The following CDH7 variants were observed in gnomAD, a reference collection of about 807,000 sequenced individuals.
CDH7 encodes cadherin 7.
CDH7 carries 25 observed loss-of-function variants against 71.8 expected under a neutral mutation model. The ratio of observed to expected loss-of-function variants is 0.35; its 90% CI spans 0.25 to 0.49. The LOEUF is 0.49. CDH7 is among the 20% of genes least tolerant of loss of function. CDH7 has a pLI of 0.99. For missense variants in CDH7, 862 were observed against 974.6 expected, an observed-to-expected ratio of 0.88 and a Z score of 1.54; for synonymous variants, 381 against 363.8, an observed-to-expected ratio of 1.05 and a Z score of -0.54.
intron 6 of CDH7, among the ~76,000 whole-genome samples, chr18:65,842,395 T>C (rs1332091372): frequency 1.3e-5 from 2 of 151,944 alleles, no homozygotes; most frequent in African/African-American, 2.4e-5. Flanking sequence ...TATATATATA[T>C]GTGTATATTT....
intron 6 of CDH7, among the ~76,000 whole-genome samples, chr18:65,833,015 C>G (rs941380829): frequency 6.6e-6 from 1 of 152,044 alleles, no homozygotes; most frequent in African/African-American, 2.4e-5. Context: ...TTTGGTGGTC[C>G]ACTTTGTCAC....
chr18:65,847,244 C>G (rs1912966017), intron 7 of CDH7, among the ~76,000 whole-genome samples: 1 of 152,110 alleles, frequency 6.6e-6, no homozygotes, highest in Admixed American at 6.6e-5. Flanking sequence ...GGAGTCTTAA[C>G]AATTGTGACC....
upstream of CDH7, chr18:65,750,718 C>G (rs977006704): frequency 6.5e-6 from 1 of 152,696 alleles, no homozygotes; most frequent in South Asian, 2.1e-4. Context: ...AGCAGGCGCC[C>G]GCCGCCCACC....
intron 6 of CDH7, among the ~76,000 whole-genome samples, chr18:65,826,900 G>T (rs1912152394): frequency 6.7e-6 from 1 of 148,510 alleles, no homozygotes; most frequent in Non-Finnish European, 1.5e-5. Context: ...TCTTAAGTTT[G>T]TGTATTGTTG....
intron 2 of CDH7, among the ~76,000 whole-genome samples, chr18:65,775,379 A>C (rs919209301): frequency 4.6e-5 from 7 of 152,232 alleles, no homozygotes; most frequent in Non-Finnish European, 8.8e-5. Context: ...TATCAAGACT[A>C]AATAAGTTAA....
intron 1 of CDH7, among the ~76,000 whole-genome samples, chr18:65,754,987 C>G (rs540396957): frequency 1.4e-4 from 22 of 152,060 alleles, no homozygotes; most frequent in African/African-American, 5.1e-4. Context: ...GTTCCTTCAC[C>G]CTTTCTTCTT....
In CDH7 at chr18:65,880,987, A is replaced by C; in HGVS notation, c.*93A>C. ...AAATAATAAACCACTACATACAGAA[A>C]ACAAGAACTCCCCTTGCTGGAGACA... On this transcript the variant is annotated 3_prime_UTR_variant, in exon 12 of 12. Coordinates refer to ENST00000397968, the MANE Select transcript of CDH7 (RefSeq NM_004361.5). The C allele has an allele frequency of 1.7e-6, 2 of 1,201,900 alleles. No homozygotes were observed. The highest frequency in any genetic ancestry group is 2.3e-6 in the Non-Finnish European group (2 of 876,488). 74.5% of individuals were successfully genotyped at this position (1,201,900 alleles called of 1,614,324 possible).
At chr18:65,867,189 C>T (rs890181200) in intron 11 of CDH7, among the ~76,000 whole-genome samples, 3 of 152,036 alleles carry the variant, frequency 2.0e-5, no homozygotes, top group African/African-American at 7.2e-5. Context: ...GTGCCTGCCA[C>T]CACGCCCGGC....
In CDH7 at chr18:65,758,335, A is replaced by C. The variant is rs192371700; in HGVS notation, c.-196-4312A>C. Reference sequence around the variant, plus strand: ...GCCTTTCTCTTGAAAATGAGATTTGATTGAAAAAGAAGGCAAACATTTGTG... The same window carrying C: ...GCCTTTCTCTTGAAAATGAGATTTGCTTGAAAAAGAAGGCAAACATTTGTG... On this transcript the variant is annotated intron_variant, in intron 1 of 11. Transcript: ENST00000397968. Among the ~76,000 whole-genome samples the C allele has an allele frequency of 7.2e-3, 1,104 of 152,292 alleles. 8 individuals are homozygous for C. Among genetic ancestry groups the C allele is most frequent in the Non-Finnish European group, 9.7e-3 (662 of 68,028 alleles).
intron 7 of CDH7, among the ~76,000 whole-genome samples, chr18:65,851,501 T>C (rs1485088682): frequency 6.6e-6 from 1 of 152,164 alleles, no homozygotes; most frequent in East Asian, 1.9e-4. Flanking sequence ...ATGCTACCTG[T>C]GAATATAAAG....
In CDH7 at chr18:65,884,051, A is replaced by C. The variant is rs1375695400; in HGVS notation, c.*3157A>C. 6.6e-6 allele frequency: 1 copy of C among 152,158 alleles called. No individual in the cohort carries two copies. The highest frequency in any genetic ancestry group is 1.5e-5 in the Non-Finnish European group (1 of 67,984). 9.4% of individuals were successfully genotyped at this position (152,158 alleles called of 1,614,324 possible). A position where few individuals can be genotyped will look rare whatever the true frequency, so the allele number is the denominator to read the frequency against. Reference sequence around the variant, plus strand: ...TTGCCAAATTATGCCCATTTTGAACAGTTTAATTTATTGAAAAATCAGATG... The same window carrying C: ...TTGCCAAATTATGCCCATTTTGAACCGTTTAATTTATTGAAAAATCAGATG... On this transcript the variant is annotated 3_prime_UTR_variant, in exon 12 of 12. Transcript: ENST00000397968.
rs146054448 is a variant in CDH7 at position 65,843,875 on chromosome 18, G to A, written c.1045G>A (p.Asp349Asn). 511 of 1,582,450 alleles carry A rather than the reference G, an allele frequency of 3.2e-4. No homozygotes were observed. Among genetic ancestry groups the A allele is most frequent in the Non-Finnish European group, 4.2e-4 (489 of 1,160,452 alleles). ...GATAGAAGCTGCAAATAAAGATGCC[G>A]ACCCTCGCTTTCTGAGCTTGGGTCC... ...LRIEAANKDA[D>N]PRFLSLGPFS... The change falls in exon 7 of 12, where the codon GAC (aspartate) becomes AAC (asparagine). Residue 349 changes from aspartate (D) to asparagine (N), a missense_variant. Physicochemically the swap from Asp to Asn is conservative, Grantham distance 23. Transcript: ENST00000397968.
At chr18:65,766,924 T>TAAAAAAAAA (rs1598988832) in intron 2 of CDH7, among the ~76,000 whole-genome samples, 1 of 85,162 alleles carries the variant, frequency 1.2e-5, no homozygotes, top group Non-Finnish European at 2.8e-5. Flanking sequence ...AAAAAAAAAG[T>TAAAAAAAAA]CTACAAAACC....
intron 11 of CDH7, chr18:65,865,732 G>A (rs1230645939): frequency 6.6e-6 from 1 of 152,042 alleles, no homozygotes; most frequent in Admixed American, 6.6e-5. Context: ...ATAGACTCTG[G>A]ATTTTCACAC....
intron 2 of CDH7, among the ~76,000 whole-genome samples, chr18:65,804,309 C>A (rs1289904875): frequency 1.3e-5 from 2 of 152,174 alleles, no homozygotes; most frequent in Admixed American, 6.5e-5. Context: ...TATTTATCTC[C>A]ATTTTACAGG....
intron 2 of CDH7, among the ~76,000 whole-genome samples, chr18:65,787,074 CAG>C (rs1209868065): frequency 6.6e-6 from 1 of 151,968 alleles, no homozygotes; most frequent in African/African-American, 2.4e-5. Flanking sequence ...TTCACCAAAA[CAG>C]ATTCAAGATC....
intron 1 of CDH7, among the ~76,000 whole-genome samples, chr18:65,760,064 A>G (rs1011352302): frequency 6.6e-6 from 1 of 152,194 alleles, no homozygotes; most frequent in African/African-American, 2.4e-5. Context: ...GAATATAGAT[A>G]ACATTCCAAT....
intron 6 of CDH7, among the ~76,000 whole-genome samples, chr18:65,835,970 G>A (rs1912519422): frequency 6.6e-6 from 1 of 152,084 alleles, no homozygotes; most frequent in African/African-American, 2.4e-5. Context: ...TCCTTAAAGA[G>A]GAAAGAAGGA....
At position 65,840,287 on chromosome 18, in the gene CDH7, T is replaced by G. The variant is rs562237304; in HGVS notation, c.982-3525T>G. 1.7e-4 allele frequency among the ~76,000 whole-genome samples: 26 copies of G among 152,282 alleles called. No individual in the cohort carries two copies. The Middle Eastern group carries it at 0.01, about 60-fold the overall frequency. On this transcript the variant is annotated intron_variant, in intron 6 of 11. Transcript: ENST00000397968. ...TAGTGTCTCTAACACAGATGTCACT[T>G]GATGTATGAAAAAGTATCTGCTAGT...
Sources: gnomAD v4.1 joint callset for allele counts (sites outside exome capture counted in the v4.1 genomes callset) on GRCh38, gnomAD v4.1.1 for gene constraint, MANE v1.5 for transcripts, NCBI Gene and HGNC (gene_info 2026-07-23, HGNC 2026-07-21) for gene names.